Variants in ST8SIA4 observed in about 807,000 individuals in gnomAD.
The protein encoded by ST8SIA4 is CMP-N-acetylneuraminate-poly-alpha-2,8-sialyltransferase.
In ST8SIA4, 15 loss-of-function variants were observed where a neutral mutation model predicts 33.9. That is an observed-to-expected ratio of 0.44 (90% CI 0.30 to 0.68). The LOEUF is 0.68. Ranked by LOEUF, ST8SIA4 falls within the 30% of genes least tolerant of loss-of-function variation. The probability of loss-of-function intolerance (pLI) is 0.10; values close to 1 mark genes in which losing one functional copy is unlikely to be tolerated. For synonymous variants in ST8SIA4, 171 were observed against 151.2 expected (o/e 1.13, Z -0.96); for missense variants, 321 against 428.0 (o/e 0.75, Z 2.21).
intron 3 of ST8SIA4, among the ~76,000 whole-genome samples, chr5:100,857,250 A>G (rs1751836062): frequency 6.6e-6 from 1 of 151,964 alleles, no homozygotes; most frequent in Non-Finnish European, 1.5e-5. Flanking sequence ...ATATTTATAT[A>G]ATCTAATATA....
intron 3 of ST8SIA4, among the ~76,000 whole-genome samples, chr5:100,857,350 C>A (rs1404194156): frequency 2.0e-5 from 3 of 151,358 alleles, no homozygotes; most frequent in Non-Finnish European, 4.4e-5. Context: ...TCACATAGAC[C>A]TTTTTATACC....
intron 2 of ST8SIA4, among the ~76,000 whole-genome samples, chr5:100,893,851 T>C (rs1752725753): frequency 6.6e-6 from 1 of 152,154 alleles, no homozygotes; most frequent in African/African-American, 2.4e-5. Flanking sequence ...ATTGGCTCCT[T>C]TCTTGCTAAG....
intron 4 of ST8SIA4, among the ~76,000 whole-genome samples, chr5:100,835,742 G>A (rs1380351149): frequency 6.6e-6 from 1 of 152,148 alleles, no homozygotes; most frequent in Non-Finnish European, 1.5e-5. Context: ...CAACTGCCAA[G>A]TTTGGAATGG....
intron 4 of ST8SIA4, among the ~76,000 whole-genome samples, chr5:100,846,916 A>G (rs900554716): frequency 1.3e-5 from 2 of 152,102 alleles, no homozygotes; most frequent in African/African-American, 4.8e-5. Flanking sequence ...ACACAATGCA[A>G]TATGAATAAC....
chr5:100,834,828 G>A (rs956228596), intron 4 of ST8SIA4, among the ~76,000 whole-genome samples: 5 of 152,036 alleles, frequency 3.3e-5, no homozygotes, highest in Non-Finnish European at 5.9e-5. Flanking sequence ...GCTTGCTGAC[G>A]CCTCCCCAGA....
intron 3 of ST8SIA4, 143 bp from the exon 4 acceptor site, chr5:100,856,539 T>C (rs1455671623): frequency 2.5e-6 from 2 of 796,964 alleles, no homozygotes; most frequent in African/African-American, 3.5e-5. Flanking sequence ...CTTGGTAAGA[T>C]TACATTTTCA....
intron 4 of ST8SIA4, among the ~76,000 whole-genome samples, chr5:100,848,248 C>A (rs1313436110): frequency 1.3e-5 from 2 of 151,438 alleles, no homozygotes; most frequent in Admixed American, 6.6e-5. Flanking sequence ...CAGTAATGTA[C>A]CATTATTACA....
At position 100,849,254 on chromosome 5, in the gene ST8SIA4, T is replaced by C. The variant is rs1391367775; in HGVS notation, c.797+6849A>G. 3 of 985,002 alleles carry C rather than the reference T, an allele frequency of 3.0e-6. No individual in the cohort carries two copies. The East Asian group carries it at 3.4e-4, about 112-fold the overall frequency. The allele number at this position is 985,002 out of a possible 1,614,324, so 61.0% of individuals were successfully genotyped here. The stretch of plus-strand genomic sequence containing the variant: ...GAGCCCAAAGGAATCTATACGATTA[T>C]ATACATTGGTACGTATATTTTAATG... On this transcript the variant is annotated intron_variant, in intron 4 of 4. Transcript: ENST00000231461.
chr5:100,845,370 T>A (rs1195575611), intron 4 of ST8SIA4, among the ~76,000 whole-genome samples: 2 of 151,618 alleles, frequency 1.3e-5, no homozygotes, highest in Non-Finnish European at 2.9e-5. Flanking sequence ...AACTCCCAAC[T>A]ATTTAATATT....
intron 3 of ST8SIA4, among the ~76,000 whole-genome samples, chr5:100,859,051 T>C (rs1443858305): frequency 1.3e-5 from 2 of 152,068 alleles, no homozygotes; most frequent in African/African-American, 4.8e-5. Flanking sequence ...AGATTTTTAG[T>C]CATATAATTA....
chr5:100,849,361 A>T, intron 4 of ST8SIA4: 2 of 985,442 alleles, frequency 2.0e-6, no homozygotes, highest in African/African-American at 3.5e-5. Flanking sequence ...TTCCTTGGAA[A>T]TCAAATTTCT....
intron 3 of ST8SIA4, among the ~76,000 whole-genome samples, chr5:100,866,657 A>G (rs1752069363): frequency 6.6e-6 from 1 of 151,862 alleles, no homozygotes; most frequent in Non-Finnish European, 1.5e-5. Context: ...ACATAAACTT[A>G]ACATTTAAGC....
At chr5:100,858,190 C>T (rs180713400) in intron 3 of ST8SIA4, among the ~76,000 whole-genome samples, 1 of 152,138 alleles carries the variant, frequency 6.6e-6, no homozygotes, top group East Asian at 1.9e-4. Context: ...AGCTAGTTAT[C>T]ACATGAATTT....
intron 3 of ST8SIA4, among the ~76,000 whole-genome samples, chr5:100,856,721 T>C (rs1487748527): frequency 7.2e-5 from 11 of 152,206 alleles, no homozygotes; most frequent in Admixed American, 4.6e-4. Flanking sequence ...TGATGGTAAA[T>C]TCACAAGGGT....
At chr5:100,867,648 T>C (rs1429121162) in intron 3 of ST8SIA4, among the ~76,000 whole-genome samples, 2 of 152,022 alleles carry the variant, frequency 1.3e-5, no homozygotes, top group African/African-American at 4.8e-5. Flanking sequence ...AAATGTCGCT[T>C]TGACATTTAA....
rs182330388 is a variant in ST8SIA4, at chr5:100,866,139, T to C, written c.504-9743A>G. ...ACTGGTTTTACTAAGTGCTGTCTTG[T>C]ATTCATTGACACAATGTTAACATAG... On this transcript the variant is annotated intron_variant, in intron 3 of 4. Coordinates refer to ENST00000231461, the MANE Select transcript of ST8SIA4 (RefSeq NM_005668.6). Among the ~76,000 whole-genome samples the C allele has an allele frequency of 1.9e-3, 284 of 152,262 alleles. 2 individuals carry two copies. Among genetic ancestry groups the C allele is most frequent in the African/African-American group, 6.6e-3 (273 of 41,570 alleles).
intron 4 of ST8SIA4, among the ~76,000 whole-genome samples, chr5:100,819,604 T>G (rs12332145): frequency 0.29 from 43,707 of 152,174 alleles, 6,577 homozygotes; most frequent in Non-Finnish European, 0.33. Flanking sequence ...CCAGTATTCT[T>G]CAGACGCAGA....
At chr5:100,849,375 T>A in intron 4 of ST8SIA4, 1 of 985,442 alleles carries the variant, frequency 1.0e-6, no homozygotes. Context: ...AATTTCTGCG[T>A]AATTCTTCAA....
Position 100,823,540 on chromosome 5 carries a change from C to T in ST8SIA4, c.798-11411G>A, listed in dbSNP as rs531044209. Among the ~76,000 whole-genome samples, 15 of 152,214 alleles carry T rather than the reference C, an allele frequency of 9.9e-5. No homozygotes were observed. The South Asian group carries it at 2.1e-3, about 21-fold the overall frequency. On this transcript the variant is annotated intron_variant, in intron 4 of 4. Transcript: ENST00000231461. Reference sequence around the variant, plus strand: ...TCCAGTAATACCTGCTCATATAACACTCAACTCAACCAACAAATTTAAGTT... The same window carrying T: ...TCCAGTAATACCTGCTCATATAACATTCAACTCAACCAACAAATTTAAGTT...
Sources: allele counts gnomAD v4.1 joint callset (sites outside exome capture counted in the v4.1 genomes callset), GRCh38; gene constraint gnomAD v4.1.1; transcripts MANE v1.5; gene names NCBI Gene and HGNC (gene_info 2026-07-23, HGNC 2026-07-21).